CREB3L2: variants seen among roughly 807,000 people sequenced by gnomAD.
CREB3L2 encodes the protein cyclic AMP-responsive element-binding protein 3-like protein 2.
Under a neutral mutation model 57.2 loss-of-function variants are expected in CREB3L2, and 23 were observed. The ratio of observed to expected loss-of-function variants is 0.40; its 90% CI spans 0.29 to 0.57. CREB3L2 has a LOEUF of 0.57. Ranked by LOEUF, CREB3L2 falls within the 20% of genes least tolerant of loss-of-function variation. The pLI, the probability that CREB3L2 is intolerant of heterozygous loss-of-function variation, is 0.42. For missense variants in CREB3L2, 628 were observed against 634.7 expected, an observed-to-expected ratio of 0.99 and a Z score of 0.11; for synonymous variants, 268 against 265.1, an observed-to-expected ratio of 1.01 and a Z score of -0.11.
chr7:137,936,790 A>G (rs964597601), intron 1 of CREB3L2, among the ~76,000 whole-genome samples: 1 of 152,192 alleles, frequency 6.6e-6, no homozygotes, highest in Non-Finnish European at 1.5e-5. Context: ...GGATATTTAT[A>G]AGTCATTGCT....
At chr7:137,937,213 C>T (rs1800803119) in intron 1 of CREB3L2, among the ~76,000 whole-genome samples, 1 of 152,206 alleles carries the variant, frequency 6.6e-6, no homozygotes, top group African/African-American at 2.4e-5. Context: ...CACAGAATGC[C>T]TCCCAAAGAC....
At chr7:137,947,412 A>G (rs1290633613) in intron 1 of CREB3L2, among the ~76,000 whole-genome samples, 1 of 152,202 alleles carries the variant, frequency 6.6e-6, no homozygotes, top group East Asian at 1.9e-4. Context: ...TTGAGGAGGA[A>G]AAATGAATCC....
At chr7:137,955,424 C>A in intron 1 of CREB3L2, 1 of 642,116 alleles carries the variant, frequency 1.6e-6, no homozygotes, top group Non-Finnish European at 2.5e-6. Context: ...CCCCTTAATC[C>A]CCACACGCCA....
At chr7:137,881,605 G>A (rs1265422955) in intron 11 of CREB3L2, among the ~76,000 whole-genome samples, 3 of 152,172 alleles carry the variant, frequency 2.0e-5, no homozygotes, top group Non-Finnish European at 4.4e-5. Flanking sequence ...AGAATTAGGG[G>A]ATGAAAGCTG....
At chr7:137,966,163 G>A (rs1483961390) in intron 1 of CREB3L2, among the ~76,000 whole-genome samples, 7 of 152,176 alleles carry the variant, frequency 4.6e-5, no homozygotes, top group African/African-American at 1.7e-4. Context: ...TCAGAGACAG[G>A]AAGTGCAAAC....
At chr7:137,884,820 C>T (rs777140135) in intron 10 of CREB3L2, 175 bp downstream of exon 10, 52 of 767,322 alleles carry the variant, frequency 6.8e-5, no homozygotes, top group Non-Finnish European at 1.2e-4. Flanking sequence ...ATGCCGCAGT[C>T]CAGTGGATGA....
Position 138,001,082 on chromosome 7 carries a change from AAC to A in CREB3L2, c.102+520_102+521del, listed in dbSNP as rs59967148. ...CTCCCTAACGTAGAGGAGCCCTTTC[AAC>A]ACACACACACACACACACACACACA... On this transcript the variant is annotated intron_variant, in intron 1 of 11. Coordinates refer to ENST00000330387, the MANE Select transcript of CREB3L2 (RefSeq NM_194071.4). This position sits in a 1 kb window ranked among gnomAD's most constrained non-coding sequence, Gnocchi z 4.2. 0.095 allele frequency among the ~76,000 whole-genome samples: 12,985 copies of A among 136,622 alleles called. 704 individuals are homozygous for A. The highest frequency in any genetic ancestry group is 0.18 in the Admixed American group (2,534 of 13,740). The allele number at this position is 136,622 out of a possible 152,430, so 89.6% of individuals were successfully genotyped here. A position where few individuals can be genotyped will look rare whatever the true frequency, so the allele number is the denominator to read the frequency against.
At chr7:137,928,021 C>T (rs565537631) in intron 2 of CREB3L2, 129 bp downstream of exon 2, 51 of 768,770 alleles carry the variant, frequency 6.6e-5, no homozygotes, top group African/African-American at 6.5e-4. Flanking sequence ...AGCACAAGGC[C>T]GTACACACTG....
chr7:137,987,612 G>T (rs927718397), intron 1 of CREB3L2, among the ~76,000 whole-genome samples: 1 of 152,212 alleles, frequency 6.6e-6, no homozygotes, highest in Non-Finnish European at 1.5e-5. Flanking sequence ...TTGTGTGTTG[G>T]GGAGACAAGA....
intron 1 of CREB3L2, among the ~76,000 whole-genome samples, chr7:137,947,482 G>A (rs1222572909): frequency 6.6e-6 from 1 of 152,164 alleles, no homozygotes; most frequent in Non-Finnish European, 1.5e-5. Flanking sequence ...CAAACTGGGG[G>A]TGTAGTCCTG....
chr7:137,927,739 G>A (rs1471128572), intron 2 of CREB3L2, among the ~76,000 whole-genome samples: 2 of 150,268 alleles, frequency 1.3e-5, no homozygotes, highest in Non-Finnish European at 3.0e-5. Context: ...ATGGAATTGG[G>A]TTGAGAGGAT....
At chr7:137,919,550 T>A (rs1356151296) in intron 2 of CREB3L2, among the ~76,000 whole-genome samples, 1 of 152,178 alleles carries the variant, frequency 6.6e-6, no homozygotes. Context: ...ATCTCTGCAC[T>A]CTGGCCAGTA....
In CREB3L2 at chr7:137,953,357, CAA is replaced by C; in HGVS notation, c.103-24993_103-24992del. The C allele has an allele frequency of 1.4e-5, 9 of 651,584 alleles. 2 individuals are homozygous for C. In the Middle Eastern group the frequency reaches 2.4e-3, roughly 172 times the overall value. The allele number at this position is 651,584 out of a possible 1,614,324, so 40.4% of individuals were successfully genotyped here. A position where few individuals can be genotyped will look rare whatever the true frequency, so the allele number is the denominator to read the frequency against. On this transcript the variant is annotated intron_variant, in intron 1 of 11. Transcript: ENST00000330387. ...ACATAACACATTCCTTCCTTATGAC[CAA>C]ATTACTGCCAGAGCCTTCTAACTTC...
chr7:137,999,100 CATG>C (rs66536965), intron 1 of CREB3L2, among the ~76,000 whole-genome samples: 126,533 of 151,780 alleles, frequency 0.83, 54,259 homozygotes, highest in South Asian at 0.98. Context: ...ATCTGAAATA[CATG>C]ATATTAACAC....
Position 137,951,946 on chromosome 7 carries a change from C to T in CREB3L2, c.103-23580G>A, listed in dbSNP as rs866853484. Among the ~76,000 whole-genome samples, 40 of 152,266 alleles carry T rather than the reference C, an allele frequency of 2.6e-4. 1 individual carries two copies. The highest frequency in any genetic ancestry group is 7.2e-4 in the Admixed American group (11 of 15,296). The stretch of plus-strand genomic sequence containing the variant: ...TGGAGGCTCTAGTGAGTCAGGATCA[C>T]GCCACTGCACTATAACCTGGGTGAC... On this transcript the variant is annotated intron_variant, in intron 1 of 11. Coordinates refer to ENST00000330387, the MANE Select transcript of CREB3L2 (RefSeq NM_194071.4).
chr7:137,949,133 T>C (rs574319468), intron 1 of CREB3L2, among the ~76,000 whole-genome samples: 5 of 152,308 alleles, frequency 3.3e-5, no homozygotes, highest in Non-Finnish European at 5.9e-5. Context: ...CCCAAAGAAA[T>C]ATCATTTTCT....
intron 1 of CREB3L2, among the ~76,000 whole-genome samples, chr7:137,967,273 G>A (rs146558474): frequency 4.9e-4 from 74 of 152,320 alleles, no homozygotes; most frequent in African/African-American, 1.7e-3. Flanking sequence ...ATGGTACTTT[G>A]TTAAGGTGGC....
intron 7 of CREB3L2, among the ~76,000 whole-genome samples, chr7:137,902,948 C>T (rs954536920): frequency 4.6e-5 from 7 of 152,136 alleles, no homozygotes; most frequent in Non-Finnish European, 7.4e-5. Context: ...TCCTGAGTAG[C>T]TGGGACCACA....
Position 137,928,488 on chromosome 7 carries a change from C to A in CREB3L2, c.103-122G>T. ...GAAGTCCCTTCTACACACACAATGT[C>A]CAGTTAGCTCGTGCTGTGTAGCAAA... On this transcript the variant is annotated intron_variant, in intron 1 of 11. Coordinates refer to ENST00000330387, the MANE Select transcript of CREB3L2 (RefSeq NM_194071.4). 5.2e-6 allele frequency: 4 copies of A among 774,814 alleles called. No individual in the cohort carries two copies. In the South Asian group the frequency reaches 6.0e-5, roughly 12 times the overall value. 48.0% of individuals were successfully genotyped at this position (774,814 alleles called of 1,614,324 possible). A position where few individuals can be genotyped will look rare whatever the true frequency, so the allele number is the denominator to read the frequency against.
Sources: gnomAD v4.1 joint callset for allele counts (sites outside exome capture counted in the v4.1 genomes callset) on GRCh38, gnomAD v4.1.1 for gene constraint, Gnocchi (gnomAD v3.1) non-coding constraint, MANE v1.5 for transcripts, NCBI Gene and HGNC (gene_info 2026-07-23, HGNC 2026-07-21) for gene names.